The following GPR55 variants were observed in gnomAD, a reference collection of about 807,000 sequenced individuals.
GPR55 encodes G-protein coupled receptor 55.
A neutral mutation model predicts 7.9 loss-of-function variants in GPR55; 6 were observed. The observed-to-expected ratio is 0.76, with a 90% confidence interval of 0.41 to 1.49. GPR55 has a LOEUF of 1.49. Among genes scored for constraint, GPR55 ranks in the 40% most tolerant of loss-of-function variants. GPR55 has a pLI of 0.01. For missense variants in GPR55, 376 were observed against 406.0 expected (o/e 0.93, Z 0.63); for synonymous variants, 183 against 166.8 (o/e 1.10, Z -0.75).
At chr2:230,935,255 C>T (rs2125063505) in intron 1 of GPR55, among the ~76,000 whole-genome samples, 1 of 152,288 alleles carries the variant, frequency 6.6e-6, no homozygotes, top group Admixed American at 6.5e-5. Flanking sequence ...TACACAGAGG[C>T]AGGCACGTCT....
chr2:230,919,341 T>C (rs1268587905), intron 1 of GPR55, among the ~76,000 whole-genome samples: 2 of 152,180 alleles, frequency 1.3e-5, no homozygotes, highest in African/African-American at 4.8e-5. Flanking sequence ...TAAAAAGTCT[T>C]AACATCAAAT....
chr2:230,955,288 T>C (rs1265020039), intron 1 of GPR55, among the ~76,000 whole-genome samples: 1 of 152,262 alleles, frequency 6.6e-6, no homozygotes, highest in Non-Finnish European at 1.5e-5. Flanking sequence ...TCTCCTCATT[T>C]TTACCCAGTA....
intron 1 of GPR55, among the ~76,000 whole-genome samples, chr2:230,941,672 G>T (rs553582832): frequency 6.6e-6 from 1 of 152,144 alleles, no homozygotes; most frequent in Non-Finnish European, 1.5e-5. Flanking sequence ...GGTCACATCC[G>T]CAGTGACTCC....
At chr2:230,941,252 G>A (rs190144207) in intron 1 of GPR55, among the ~76,000 whole-genome samples, 2 of 152,124 alleles carry the variant, frequency 1.3e-5, no homozygotes, top group East Asian at 3.9e-4. Flanking sequence ...GCAGGAGTGC[G>A]GTCCTGACCT....
upstream of GPR55, among the ~76,000 whole-genome samples, chr2:230,928,869 G>A (rs572583924): frequency 1.3e-3 from 195 of 152,188 alleles, no homozygotes; most frequent in African/African-American, 4.4e-3. Flanking sequence ...CTCCAGGTGC[G>A]GCCTGGAGAC....
chr2:230,914,865 G>A (rs538106081), intron 1 of GPR55, among the ~76,000 whole-genome samples: 27 of 152,340 alleles, frequency 1.8e-4, no homozygotes, highest in African/African-American at 6.0e-4. Context: ...ATTAAACAGG[G>A]GAAGTTCCCA....
chr2:230,937,875 T>TAATTA (rs1691157788), intron 1 of GPR55, among the ~76,000 whole-genome samples: 2 of 152,006 alleles, frequency 1.3e-5, no homozygotes, highest in Middle Eastern at 3.2e-3. Flanking sequence ...ATCTAAAATT[T>TAATTA]GGGGCACAGT....
At chr2:230,937,699 G>A (rs983076397) in intron 1 of GPR55, among the ~76,000 whole-genome samples, 2 of 152,064 alleles carry the variant, frequency 1.3e-5, no homozygotes, top group African/African-American at 4.8e-5. Flanking sequence ...GGGTAAAAAT[G>A]TAAACCATAG....
At chr2:230,916,195 G>A (rs1038284265) in intron 1 of GPR55, among the ~76,000 whole-genome samples, 1 of 151,884 alleles carries the variant, frequency 6.6e-6, no homozygotes. Flanking sequence ...GCAACATAGT[G>A]AAACTTCATC....
At chr2:230,935,291 C>G (rs1691116417) in intron 1 of GPR55, among the ~76,000 whole-genome samples, 2 of 152,150 alleles carry the variant, frequency 1.3e-5, no homozygotes, top group Non-Finnish European at 2.9e-5. Flanking sequence ...GTGGTCCCAG[C>G]CCGGCAGCCA....
At chr2:230,916,201 T>C (rs1345302255) in intron 1 of GPR55, among the ~76,000 whole-genome samples, 3 of 151,618 alleles carry the variant, frequency 2.0e-5, no homozygotes, top group South Asian at 2.1e-4. Flanking sequence ...TAGTGAAACT[T>C]CATCTCTCCA....
At chr2:230,938,296 T>C (rs1053161098) in intron 1 of GPR55, among the ~76,000 whole-genome samples, 1 of 151,672 alleles carries the variant, frequency 6.6e-6, no homozygotes, top group Non-Finnish European at 1.5e-5. Flanking sequence ...GAGTGGGCTT[T>C]ATATGGAATC....
chr2:230,910,782 T>C lies in GPR55; in HGVS notation c.181A>G (p.Ile61Val). The C allele has an allele frequency of 6.2e-7, 1 of 1,613,844 alleles. No homozygotes were observed. The highest frequency in any genetic ancestry group is 1.1e-5 in the South Asian group (1 of 91,072). The change falls in exon 2 of 2, where the codon ATC becomes GTC. Residue 61 changes from isoleucine to valine, a missense_variant. Physicochemically the swap from Ile to Val is conservative, Grantham distance 29. Transcript: ENST00000650999. The surrounding 1 kb of genome is among the most constrained non-coding windows in gnomAD (Gnocchi z 5.4). ...NRWPDYAATS[I>V]YMINLAVFDL... The stretch of plus-strand genomic sequence containing the variant: ...AAGACTGCCAGGTTGATCATGTAGA[T>C]GGAGGTGGCAGCATAATCGGGCCAC...
chr2:230,937,438 G>T (rs565123303), intron 1 of GPR55, among the ~76,000 whole-genome samples: 1 of 50,288 alleles, frequency 2.0e-5, no homozygotes, highest in Non-Finnish European at 3.2e-5. Flanking sequence ...AAAAGCTTTA[G>T]GTCCCTGGGG....
intron 1 of GPR55, among the ~76,000 whole-genome samples, chr2:230,939,604 G>A (rs1399499144): frequency 6.6e-6 from 1 of 152,176 alleles, no homozygotes; most frequent in Non-Finnish European, 1.5e-5. Flanking sequence ...CTGAGCAGGA[G>A]GCCAGAGGAT....
intron 1 of GPR55, among the ~76,000 whole-genome samples, chr2:230,946,830 G>C (rs987281349): frequency 6.6e-6 from 1 of 152,232 alleles, no homozygotes; most frequent in Non-Finnish European, 1.5e-5. Flanking sequence ...CCTAACTGGG[G>C]CAGGGGCCAG....
chr2:230,960,195 C>A (rs1052934111), intron 1 of GPR55, among the ~76,000 whole-genome samples: 1 of 152,218 alleles, frequency 6.6e-6, no homozygotes, highest in Non-Finnish European at 1.5e-5. Context: ...CTGTCAAGGT[C>A]AGGGAAGGCT....
intron 1 of GPR55, among the ~76,000 whole-genome samples, chr2:230,911,914 G>C (rs1690602069): frequency 6.6e-6 from 1 of 152,158 alleles, no homozygotes; most frequent in Non-Finnish European, 1.5e-5. Context: ...GGGGGTGAGT[G>C]CCATTGTGGG....
At chr2:230,934,716 T>C (rs998920382) in intron 1 of GPR55, among the ~76,000 whole-genome samples, 19 of 151,992 alleles carry the variant, frequency 1.3e-4, no homozygotes, top group Admixed American at 1.2e-3. Flanking sequence ...TGACCATCTG[T>C]TCTGGTTTGC....
Sources: allele counts gnomAD v4.1 joint callset (sites outside exome capture counted in the v4.1 genomes callset), GRCh38; gene constraint gnomAD v4.1.1; non-coding constraint Gnocchi (gnomAD v3.1); transcripts MANE v1.5; gene names NCBI Gene and HGNC (gene_info 2026-07-23, HGNC 2026-07-21).